Variants in SPAST observed in about 807,000 individuals in gnomAD.
SPAST encodes the protein spastic paraplegia 4 (autosomal dominant; spastin).
In SPAST, 30 loss-of-function variants were observed where a neutral mutation model predicts 76.6. The observed-to-expected ratio is 0.39, with a 90% CI of 0.29 to 0.53. The LOEUF (loss-of-function observed/expected upper bound fraction) is 0.53, where lower values mean the gene tolerates loss of function less well. SPAST is among the 20% of genes least tolerant of loss of function. The pLI, the probability that SPAST is intolerant of heterozygous loss-of-function variation, is 0.68. For synonymous variants in SPAST, 305 were observed against 281.0 expected (o/e 1.09, Z -0.86); for missense variants, 717 against 770.5 (o/e 0.93, Z 0.82).
At chr2:32,079,931 A>G (rs34856365) in intron 1 of SPAST, among the ~76,000 whole-genome samples, 64,103 of 152,032 alleles carry the variant, frequency 0.42, 13,840 homozygotes, top group East Asian at 0.64. Flanking sequence ...CCGGCTTTCA[A>G]TACTTTTGGA....
chr2:32,143,303 T>C, intron 13 of SPAST, 33 bp from the exon 14 acceptor site: 3 of 1,227,952 alleles, frequency 2.4e-6, no homozygotes, highest in Non-Finnish European at 3.6e-6. Context: ...ATTCTGAAAT[T>C]AGACTGAATG....
At chr2:32,075,116 C>T (rs909900203) in intron 1 of SPAST, among the ~76,000 whole-genome samples, 2 of 151,980 alleles carry the variant, frequency 1.3e-5, no homozygotes, top group Middle Eastern at 3.4e-3. Context: ...TGGGGAAGAA[C>T]GAGAGGTATT....
chr2:32,115,951 T>A, intron 6 of SPAST, 116 bp downstream of exon 6: 2 of 987,704 alleles, frequency 2.0e-6, no homozygotes, highest in Non-Finnish European at 3.1e-6. Context: ...CATACTTAAT[T>A]TTTATGATAG....
intron 3 of SPAST, among the ~76,000 whole-genome samples, chr2:32,090,753 C>A (rs528059821): frequency 6.6e-6 from 1 of 152,276 alleles, no homozygotes; most frequent in Admixed American, 6.5e-5. Flanking sequence ...CTGACTTTTG[C>A]TGCATGCATC....
rs201026422 is a variant in SPAST at position 32,141,963 on chromosome 2, G to T, written c.1536+17G>T. 3.6e-4 allele frequency: 577 copies of T among 1,607,564 alleles called. 2 individuals carry two copies. Among genetic ancestry groups the T allele is most frequent in the Non-Finnish European group, 4.6e-4 (540 of 1,174,920 alleles). On this transcript the variant is annotated intron_variant, in intron 13 of 16. Coordinates refer to ENST00000315285, the MANE Select transcript of SPAST (RefSeq NM_014946.4). Reference sequence around the variant, plus strand: ...AATGAGGAGGTATGTATCTGTGTTTGAATTTTTTTTGTTTTAGAGCAGAAA... The same window carrying T: ...AATGAGGAGGTATGTATCTGTGTTTTAATTTTTTTTGTTTTAGAGCAGAAA...
intron 1 of SPAST, among the ~76,000 whole-genome samples, chr2:32,078,399 C>T (rs944881781): frequency 1.3e-5 from 2 of 152,138 alleles, no homozygotes; most frequent in African/African-American, 4.8e-5. Context: ...TGGTCTCGAA[C>T]GCCTAGCCTC....
intron 4 of SPAST, among the ~76,000 whole-genome samples, chr2:32,105,297 C>T (rs1678278454): frequency 6.6e-6 from 1 of 152,188 alleles, no homozygotes; most frequent in Non-Finnish European, 1.5e-5. Context: ...TGGTTTTCAG[C>T]TCCATCAGGC....
intron 1 of SPAST, among the ~76,000 whole-genome samples, chr2:32,084,580 C>T (rs1677394698): frequency 6.6e-6 from 1 of 151,800 alleles, no homozygotes; most frequent in Non-Finnish European, 1.5e-5. Context: ...ACCTCAATAT[C>T]TTAATAATAG....
intron 1 of SPAST, among the ~76,000 whole-genome samples, chr2:32,074,850 T>C (rs1676889435): frequency 6.6e-6 from 1 of 152,088 alleles, no homozygotes; most frequent in African/African-American, 2.4e-5. Context: ...TTTCGAACTG[T>C]GGGGCTTCTT....
chr2:32,124,154 G>T (rs986908692), intron 7 of SPAST, among the ~76,000 whole-genome samples: 1 of 152,152 alleles, frequency 6.6e-6, no homozygotes, highest in East Asian at 1.9e-4. Context: ...AATATACAAA[G>T]AACTTTTAAA....
At chr2:32,148,393 C>T (rs1055391328) in intron 16 of SPAST, among the ~76,000 whole-genome samples, 1 of 151,958 alleles carries the variant, frequency 6.6e-6, no homozygotes, top group Non-Finnish European at 1.5e-5. Flanking sequence ...AATTACAGGC[C>T]GGGTGCGGTG....
intron 16 of SPAST, among the ~76,000 whole-genome samples, chr2:32,149,618 A>G (rs1240996483): frequency 1.3e-5 from 2 of 152,214 alleles, no homozygotes; most frequent in African/African-American, 2.4e-5. Context: ...CTTGGGGGAA[A>G]AAAGCATCTG....
intron 4 of SPAST, among the ~76,000 whole-genome samples, chr2:32,101,202 T>C (rs1211060382): frequency 1.3e-5 from 2 of 152,244 alleles, no homozygotes; most frequent in African/African-American, 4.8e-5. Context: ...TGCATTTCTC[T>C]GATGGCCAGT....
At chr2:32,087,266 A>C (rs1573068457) in intron 1 of SPAST, among the ~76,000 whole-genome samples, 2 of 152,200 alleles carry the variant, frequency 1.3e-5, no homozygotes, top group Non-Finnish European at 2.9e-5. Flanking sequence ...GCTGATAAGC[A>C]AAATAGGACT....
chr2:32,081,622 A>G (rs1014383493), intron 1 of SPAST, among the ~76,000 whole-genome samples: 4 of 151,842 alleles, frequency 2.6e-5, no homozygotes, highest in African/African-American at 4.8e-5. Context: ...CGTCTCTACT[A>G]AAAATACAAA....
intron 3 of SPAST, 38 bp from the exon 4 acceptor site, chr2:32,098,758 G>A (rs1558312170): frequency 3.0e-6 from 4 of 1,318,806 alleles, no homozygotes; most frequent in Admixed American, 3.4e-5. Context: ...TTTTCTTTTT[G>A]TTTATTTTTT....
chr2:32,087,628 G>C, intron 2 of SPAST, 50 bp downstream of exon 2: 1 of 788,756 alleles, frequency 1.3e-6, no homozygotes, highest in East Asian at 2.8e-5. Context: ...ATATTCACAT[G>C]ATTGTCCAGA....
At chr2:32,118,066 A>C (rs957252049) in intron 7 of SPAST, among the ~76,000 whole-genome samples, 1 of 152,222 alleles carries the variant, frequency 6.6e-6, no homozygotes, top group Non-Finnish European at 1.5e-5. Flanking sequence ...TATTGCAAAA[A>C]ATAAATCTGA....
intron 4 of SPAST, among the ~76,000 whole-genome samples, chr2:32,110,104 GTTTT>G (rs200943358): frequency 8.1e-5 from 11 of 135,494 alleles, no homozygotes; most frequent in African/African-American, 2.5e-4. Flanking sequence ...AGTTTTTTTT[GTTTT>G]TTTTTTTTGT....
Sources: allele counts gnomAD v4.1 joint callset (sites outside exome capture counted in the v4.1 genomes callset), GRCh38; gene constraint gnomAD v4.1.1; transcripts MANE v1.5; gene names NCBI Gene and HGNC (gene_info 2026-07-23, HGNC 2026-07-21).